Variants in ESRRG observed in about 807,000 individuals in gnomAD.
The protein encoded by ESRRG is estrogen-related receptor gamma.
In ESRRG, 13 loss-of-function variants were observed where a neutral mutation model predicts 44.0. The ratio of observed to expected loss-of-function variants is 0.30; its 90% confidence interval spans 0.19 to 0.47. The LOEUF is 0.47. Ranked by LOEUF, ESRRG falls within the 20% of genes least tolerant of loss-of-function variation. ESRRG has a pLI of 1.00. For synonymous variants in ESRRG, 215 were observed against 214.6 expected (o/e 1.00, Z -0.02); for missense variants, 395 against 580.6 (o/e 0.68, Z 3.29).
chr1:216,859,658 A>C (rs1436114086), intron 2 of ESRRG, among the ~76,000 whole-genome samples: 1 of 152,180 alleles, frequency 6.6e-6, no homozygotes, highest in East Asian at 1.9e-4. Context: ...TGGGTGGGGT[A>C]CACTGACAGG....
intron 1 of ESRRG, among the ~76,000 whole-genome samples, chr1:217,048,687 T>C (rs2085342747): frequency 6.6e-6 from 1 of 152,174 alleles, no homozygotes; most frequent in Non-Finnish European, 1.5e-5. Flanking sequence ...TAAATGTATC[T>C]GGAGAGACTA....
intron 1 of ESRRG, among the ~76,000 whole-genome samples, chr1:217,027,123 C>T (rs1159511395): frequency 6.6e-6 from 1 of 152,060 alleles, no homozygotes; most frequent in Non-Finnish European, 1.5e-5. Context: ...TTTTAAATCT[C>T]TCACCACAAA....
At chr1:216,800,220 C>T (rs368980101) in intron 2 of ESRRG, among the ~76,000 whole-genome samples, 8 of 152,080 alleles carry the variant, frequency 5.3e-5, no homozygotes, top group African/African-American at 1.4e-4. Context: ...GTCACCAATG[C>T]CCCCAGCACA....
intron 1 of ESRRG, among the ~76,000 whole-genome samples, chr1:216,696,977 T>G (rs925836358): frequency 1.3e-5 from 2 of 152,018 alleles, no homozygotes; most frequent in South Asian, 2.1e-4. Context: ...TATCTTTTTT[T>G]TTTTTTGAGA....
intron 3 of ESRRG, among the ~76,000 whole-genome samples, chr1:216,587,193 C>T (rs1027504005): frequency 1.3e-5 from 2 of 152,046 alleles, no homozygotes; most frequent in East Asian, 3.9e-4. Flanking sequence ...TTTCACAATC[C>T]GTAATGTTGC....
intron 6 of ESRRG, among the ~76,000 whole-genome samples, chr1:216,514,769 T>C (rs1047034818): frequency 6.6e-6 from 1 of 152,160 alleles, no homozygotes; most frequent in African/African-American, 2.4e-5. Flanking sequence ...GTACTGGACA[T>C]GCCTACTGCA....
At chr1:216,900,774 A>C (rs1416371527) in intron 2 of ESRRG, among the ~76,000 whole-genome samples, 2 of 152,180 alleles carry the variant, frequency 1.3e-5, no homozygotes, top group African/African-American at 4.8e-5. Flanking sequence ...TAATCATAAT[A>C]CATTTACTAT....
At chr1:216,830,455 A>G (rs2095470075) in intron 2 of ESRRG, among the ~76,000 whole-genome samples, 1 of 152,152 alleles carries the variant, frequency 6.6e-6, no homozygotes, top group African/African-American at 2.4e-5. Context: ...TTCAAAAAGG[A>G]ATTTATTAGG....
chr1:216,568,734 G>A lies in ESRRG; in HGVS notation c.590-636C>T, dbSNP rs78660215. Reference sequence around the variant, plus strand: ...TCATATGTGAGAAAACTGAGAGCAGGTTTGGGCTGAACACAGGATAGAAAG... The same window carrying A: ...TCATATGTGAGAAAACTGAGAGCAGATTTGGGCTGAACACAGGATAGAAAG... On this transcript the variant is annotated intron_variant, in intron 3 of 6. Transcript: ENST00000408911. Among the ~76,000 whole-genome samples the A allele has an allele frequency of 4.0e-3, 608 of 152,242 alleles. 5 individuals carry two copies. Among genetic ancestry groups the A allele is most frequent in the African/African-American group, 0.012 (506 of 41,556 alleles).
At chr1:216,533,317 G>C (rs2049966970) in intron 5 of ESRRG, among the ~76,000 whole-genome samples, 1 of 152,100 alleles carries the variant, frequency 6.6e-6, no homozygotes, top group Non-Finnish European at 1.5e-5. Flanking sequence ...GCATTCGCAG[G>C]ATAATAAATG....
intron 2 of ESRRG, among the ~76,000 whole-genome samples, chr1:216,756,393 G>A (rs915797409): frequency 4.6e-5 from 7 of 151,910 alleles, no homozygotes; most frequent in Non-Finnish European, 7.4e-5. Flanking sequence ...GTGGGGGATC[G>A]AGAAGATTAT....
chr1:216,986,652 G>A (rs1001080547), intron 1 of ESRRG, among the ~76,000 whole-genome samples: 6 of 150,178 alleles, frequency 4.0e-5, no homozygotes, highest in South Asian at 4.2e-4. Context: ...GCTTGAGCCC[G>A]AGGGGCAGAG....
At chr1:217,062,079 C>T (rs1362913334) in intron 1 of ESRRG, among the ~76,000 whole-genome samples, 1 of 152,100 alleles carries the variant, frequency 6.6e-6, no homozygotes, top group African/African-American at 2.4e-5. Flanking sequence ...CCTTGTTTAG[C>T]AAACATTTTT....
chr1:217,017,543 T>A (rs1360459729), intron 1 of ESRRG, among the ~76,000 whole-genome samples: 1 of 150,812 alleles, frequency 6.6e-6, no homozygotes, highest in Non-Finnish European at 1.5e-5. Flanking sequence ...CTCAGGACAT[T>A]TTGGATTATC....
chr1:216,825,341 T>C (rs1451594593), intron 2 of ESRRG, among the ~76,000 whole-genome samples: 1 of 152,200 alleles, frequency 6.6e-6, no homozygotes, highest in Non-Finnish European at 1.5e-5. Context: ...AGCTGAATAT[T>C]GCTTAAATGT....
At chr1:217,030,239 C>A (rs955818086) in intron 1 of ESRRG, among the ~76,000 whole-genome samples, 3 of 152,152 alleles carry the variant, frequency 2.0e-5, no homozygotes, top group African/African-American at 7.2e-5. Context: ...TCCCTTCACT[C>A]TTCTCTGTGG....
intron 2 of ESRRG, among the ~76,000 whole-genome samples, chr1:216,834,490 T>G (rs537346662): frequency 9.9e-5 from 15 of 152,232 alleles, no homozygotes; most frequent in African/African-American, 9.6e-5. Flanking sequence ...CATTTATTTT[T>G]GATTTTTTTA....
At chr1:216,996,987 A>C (rs2076450885) in intron 1 of ESRRG, among the ~76,000 whole-genome samples, 1 of 152,224 alleles carries the variant, frequency 6.6e-6, no homozygotes, top group East Asian at 1.9e-4. Flanking sequence ...TGTCTTGGCC[A>C]AAAGCCACAG....
chr1:216,812,910 T>C (rs1004621288), intron 2 of ESRRG, among the ~76,000 whole-genome samples: 1 of 152,204 alleles, frequency 6.6e-6, no homozygotes, highest in Non-Finnish European at 1.5e-5. Flanking sequence ...ATAGGGCTGA[T>C]ATAAATGAGG....
Sources: gnomAD v4.1 joint callset for allele counts (sites outside exome capture counted in the v4.1 genomes callset) on GRCh38, gnomAD v4.1.1 for gene constraint, MANE v1.5 for transcripts, NCBI Gene and HGNC (gene_info 2026-07-23, HGNC 2026-07-21) for gene names.